The following AKAP19 variants were observed in gnomAD, a reference collection of about 807,000 sequenced individuals.
The protein encoded by AKAP19 is A-kinase anchoring protein 19.
the AKAP19 span, among the ~76,000 whole-genome samples, chr2:189,951,289 C>A: frequency 6.6e-6 from 1 of 150,772 alleles, no homozygotes; most frequent in East Asian, 2.0e-4. Flanking sequence ...GCAACCTCCA[C>A]CTCCCAGGTT....
At chr2:190,038,938 T>TTCTTCTTCTTCTTCC in the AKAP19 span, among the ~76,000 whole-genome samples, 15 of 137,868 alleles carry the variant, frequency 1.1e-4, no homozygotes, top group African/African-American at 4.9e-4. Context: ...CTTCTTCTTC[T>TTCTTCTTCTTCTTCC]TCTTCTTCTT....
At chr2:189,988,747 C>A in the AKAP19 span, among the ~76,000 whole-genome samples, 1 of 152,212 alleles carries the variant, frequency 6.6e-6, no homozygotes, top group South Asian at 2.1e-4. Flanking sequence ...AGTATATAAT[C>A]TATTTCCCCC....
At chr2:189,879,835 T>A in the AKAP19 span, 6 of 152,338 alleles carry the variant, frequency 3.9e-5, no homozygotes, top group Middle Eastern at 0.02. Context: ...AAGGTATGAG[T>A]TCTAAAGTGC....
the AKAP19 span, among the ~76,000 whole-genome samples, chr2:190,159,327 G>T: frequency 2.2e-4 from 33 of 152,324 alleles, no homozygotes; most frequent in African/African-American, 7.7e-4. Context: ...GTTCTGGGTT[G>T]ATGAGTACTG....
the AKAP19 span, among the ~76,000 whole-genome samples, chr2:189,890,120 T>C: frequency 1.3e-5 from 2 of 152,220 alleles, no homozygotes; most frequent in Admixed American, 1.3e-4. Context: ...TTCTGGTACT[T>C]TGTGTCTTTG....
chr2:190,077,607 T>C, the AKAP19 span, among the ~76,000 whole-genome samples: 1 of 152,218 alleles, frequency 6.6e-6, no homozygotes, highest in Non-Finnish European at 1.5e-5. Context: ...ACAGTCATTA[T>C]CTATGTCTTA....
the AKAP19 span, among the ~76,000 whole-genome samples, chr2:190,133,001 C>T: frequency 2.0e-5 from 3 of 151,858 alleles, no homozygotes; most frequent in East Asian, 5.8e-4. Context: ...CTTTGGGAGG[C>T]CAAGGTGGGC....
At chr2:189,893,499 G>A in the AKAP19 span, among the ~76,000 whole-genome samples, 15 of 152,208 alleles carry the variant, frequency 9.9e-5, no homozygotes, top group Non-Finnish European at 1.3e-4. Flanking sequence ...TGCACTTGCC[G>A]GGTGAGGCGA....
the AKAP19 span, among the ~76,000 whole-genome samples, chr2:189,994,915 A>C: frequency 6.6e-6 from 1 of 152,220 alleles, no homozygotes; most frequent in African/African-American, 2.4e-5. Context: ...AGATTATTTA[A>C]TTTCCATTAT....
the AKAP19 span, among the ~76,000 whole-genome samples, chr2:189,932,407 CAAAAAAA>C: frequency 8.1e-6 from 1 of 124,076 alleles, no homozygotes. Flanking sequence ...GACTCCAACT[CAAAAAAA>C]AAAAAAAAAA....
the AKAP19 span, among the ~76,000 whole-genome samples, chr2:190,002,438 C>T: frequency 4.6e-5 from 7 of 152,082 alleles, no homozygotes; most frequent in African/African-American, 1.7e-4. Flanking sequence ...GCCCTGGTGG[C>T]CCAGTTTTAA....
chr2:190,045,316 G>A, the AKAP19 span, among the ~76,000 whole-genome samples: 1 of 152,196 alleles, frequency 6.6e-6, no homozygotes, highest in Non-Finnish European at 1.5e-5. Flanking sequence ...CCCAAAGGCT[G>A]GATCAGCTAA....
chr2:189,893,306 C>T, the AKAP19 span, among the ~76,000 whole-genome samples: 1 of 152,216 alleles, frequency 6.6e-6, no homozygotes, highest in East Asian at 1.9e-4. Context: ...TCTGCCCAAA[C>T]AGCCGCCCAG....
At chr2:190,006,861 A>G in the AKAP19 span, among the ~76,000 whole-genome samples, 1 of 151,810 alleles carries the variant, frequency 6.6e-6, no homozygotes, top group African/African-American at 2.4e-5. Flanking sequence ...TACTAAAAAT[A>G]CAAAAAAAAT....
the AKAP19 span, among the ~76,000 whole-genome samples, chr2:190,155,153 G>A: frequency 3.9e-5 from 6 of 152,036 alleles, no homozygotes; most frequent in Non-Finnish European, 8.8e-5. Flanking sequence ...CCCCTCTTTT[G>A]CCCCAATTAC....
At chr2:190,189,552 A>G in the AKAP19 span, among the ~76,000 whole-genome samples, 2 of 152,232 alleles carry the variant, frequency 1.3e-5, no homozygotes, top group Admixed American at 6.5e-5. Flanking sequence ...AACAACATAA[A>G]TATTTTAATA....
At chr2:190,026,213 T>C in the AKAP19 span, among the ~76,000 whole-genome samples, 2 of 152,192 alleles carry the variant, frequency 1.3e-5, no homozygotes, top group African/African-American at 2.4e-5. Context: ...GTGGGCTATG[T>C]CCACAGGCCA....
the AKAP19 span, among the ~76,000 whole-genome samples, chr2:190,038,986 C>CTTTCTTCTTCTTCTTT: frequency 8.5e-6 from 1 of 117,890 alleles, no homozygotes; most frequent in Non-Finnish European, 1.8e-5. Flanking sequence ...TCTTCTTCTT[C>CTTTCTTCTTCTTCTTT]CTTTCTTTCT....
the AKAP19 span, chr2:190,062,462 T>A: frequency 1.2e-6 from 2 of 1,613,408 alleles, no homozygotes; most frequent in Admixed American, 3.3e-5. Flanking sequence ...TAGTGTTTTG[T>A]CTCCAAGTAC....
Sources: gnomAD v4.1 joint callset for allele counts (sites outside exome capture counted in the v4.1 genomes callset) on GRCh38, gnomAD v4.1.1 for gene constraint, MANE v1.5 for transcripts, NCBI Gene and HGNC (gene_info 2026-07-23, HGNC 2026-07-21) for gene names.